Variants in LSAMP observed in about 807,000 individuals in gnomAD.
LSAMP encodes the protein limbic system associated membrane protein.
In LSAMP, 7 loss-of-function variants were observed where a neutral mutation model predicts 38.6. The ratio of observed to expected loss-of-function variants is 0.18; its 90% CI spans 0.10 to 0.34. LSAMP has a LOEUF of 0.34. LSAMP is among the 10% of genes least tolerant of loss of function. LSAMP has a pLI of 1.00. For synonymous variants in LSAMP, 154 were observed against 166.8 expected (o/e 0.92, Z 0.59); for missense variants, 313 against 420.0 (o/e 0.75, Z 2.23).
At chr3:116,155,298 C>T (rs1709719467) in intron 1 of LSAMP, among the ~76,000 whole-genome samples, 3 of 152,124 alleles carry the variant, frequency 2.0e-5, no homozygotes, top group Admixed American at 1.3e-4. Context: ...GATCTCGGCT[C>T]ACTGCAACCT....
chr3:115,887,586 T>A (rs1394507733), intron 3 of LSAMP, among the ~76,000 whole-genome samples: 4 of 151,950 alleles, frequency 2.6e-5, no homozygotes, highest in Admixed American at 2.6e-4. Flanking sequence ...ATTTAACCTG[T>A]TTCTCTGTTA....
chr3:116,341,944 G>T (rs1191786298), intron 1 of LSAMP, among the ~76,000 whole-genome samples: 6 of 151,992 alleles, frequency 3.9e-5, no homozygotes, highest in Non-Finnish European at 8.8e-5. Flanking sequence ...TGACTAACAG[G>T]GCTGGGGTAG....
At chr3:116,055,866 A>G (rs1357266717) in intron 2 of LSAMP, among the ~76,000 whole-genome samples, 1 of 152,192 alleles carries the variant, frequency 6.6e-6, no homozygotes, top group Non-Finnish European at 1.5e-5. Context: ...GGGTTCTAAA[A>G]TTCTGCCTGT....
At chr3:116,235,842 C>T (rs2046460407) in intron 1 of LSAMP, among the ~76,000 whole-genome samples, 1 of 152,154 alleles carries the variant, frequency 6.6e-6, no homozygotes, top group South Asian at 2.1e-4. Flanking sequence ...ATAAATCCCA[C>T]TGCATATTTT....
intron 1 of LSAMP, 30 bp from the exon 2 acceptor site, chr3:116,086,586 C>T (rs1340521987): frequency 1.3e-6 from 2 of 1,543,178 alleles, no homozygotes; most frequent in South Asian, 2.2e-5. Context: ...ATATTAGTGC[C>T]TTAACAACAA....
At chr3:115,827,076 G>T (rs1053347233) in intron 6 of LSAMP, among the ~76,000 whole-genome samples, 2 of 151,478 alleles carry the variant, frequency 1.3e-5, no homozygotes, top group Non-Finnish European at 2.9e-5. Context: ...ACTCTAGCTT[G>T]CAATTCAACA....
chr3:115,905,090 A>C (rs1333050776), intron 3 of LSAMP, among the ~76,000 whole-genome samples: 1 of 152,116 alleles, frequency 6.6e-6, no homozygotes, highest in African/African-American at 2.4e-5. Flanking sequence ...ATCTTGGATA[A>C]AATGCTCTTT....
chr3:116,149,146 G>C (rs886575906), intron 1 of LSAMP, among the ~76,000 whole-genome samples: 2 of 152,054 alleles, frequency 1.3e-5, no homozygotes, highest in South Asian at 4.1e-4. Context: ...GAATGGTGGT[G>C]AACAGTTCAC....
chr3:115,939,585 T>TTTCTTTCTTTCTTTCTCTTTC (rs58450242), intron 3 of LSAMP, among the ~76,000 whole-genome samples: 1 of 150,214 alleles, frequency 6.7e-6, no homozygotes, highest in Non-Finnish European at 1.5e-5. Flanking sequence ...TCTTTCTTTC[T>TTTCTTTCTTTCTTTCTCTTTC]GTTAAGAGAC....
chr3:116,327,210 T>C (rs2047784830), intron 1 of LSAMP, among the ~76,000 whole-genome samples: 2 of 152,210 alleles, frequency 1.3e-5, no homozygotes, highest in African/African-American at 4.8e-5. Flanking sequence ...TGGATAACAC[T>C]GAGTAACAGG....
intron 1 of LSAMP, among the ~76,000 whole-genome samples, chr3:116,161,700 G>A (rs138534378): frequency 2.8e-4 from 43 of 152,222 alleles, no homozygotes; most frequent in Admixed American, 1.2e-3. Flanking sequence ...CTACAGATGG[G>A]CTTAGTGCCA....
At chr3:116,219,680 G>A (rs573301065) in intron 1 of LSAMP, among the ~76,000 whole-genome samples, 34 of 152,168 alleles carry the variant, frequency 2.2e-4, no homozygotes, top group African/African-American at 8.2e-4. Flanking sequence ...GTGAAAAGGC[G>A]ACCTATGGAT....
intron 1 of LSAMP, among the ~76,000 whole-genome samples, chr3:116,193,746 C>G (rs1710810436): frequency 6.6e-6 from 1 of 151,974 alleles, no homozygotes; most frequent in South Asian, 2.1e-4. Flanking sequence ...CTAGTATTTC[C>G]CACCCTTCCA....
At chr3:116,005,800 T>C (rs1025648987) in intron 3 of LSAMP, among the ~76,000 whole-genome samples, 23 of 152,202 alleles carry the variant, frequency 1.5e-4, no homozygotes, top group Non-Finnish European at 3.4e-4. Context: ...GGTCTCCTTC[T>C]AGTTTTCTGG....
intron 1 of LSAMP, among the ~76,000 whole-genome samples, chr3:116,403,106 A>G (rs1163626113): frequency 2.0e-5 from 3 of 152,286 alleles, no homozygotes; most frequent in Admixed American, 1.3e-4. Context: ...GTCTTTCCGA[A>G]CTTGTAGTCA....
At chr3:115,909,569 C>G (rs1282781578) in intron 3 of LSAMP, among the ~76,000 whole-genome samples, 1 of 152,176 alleles carries the variant, frequency 6.6e-6, no homozygotes, top group Admixed American at 6.5e-5. Context: ...ACTCCTATTG[C>G]TAGATATTGG....
chr3:115,904,524 A>G (rs1190293432), intron 3 of LSAMP, among the ~76,000 whole-genome samples: 1 of 152,152 alleles, frequency 6.6e-6, no homozygotes, highest in East Asian at 1.9e-4. Flanking sequence ...AAAAATAGCA[A>G]CCAAACACTT....
rs568629477 is a variant in LSAMP at position 116,409,388 on chromosome 3, C to T, written c.155+35489G>A. Among the ~76,000 whole-genome samples the T allele has an allele frequency of 2.6e-5, 4 of 152,130 alleles. No individual in the cohort carries two copies. The South Asian group carries it at 6.2e-4, about 24-fold the overall frequency. On this transcript the variant is annotated intron_variant, in intron 1 of 6. Transcript: ENST00000490035. ...TGATCAGTACTGCCAAGCTGCTTTGCATGATGGGATCTGTAGTTTTCACTC... is the reference window on the plus strand; with the variant it reads ...TGATCAGTACTGCCAAGCTGCTTTGTATGATGGGATCTGTAGTTTTCACTC...
chr3:116,244,950 A>G (rs1041268165), intron 1 of LSAMP, among the ~76,000 whole-genome samples: 1 of 152,130 alleles, frequency 6.6e-6, no homozygotes, highest in Admixed American at 6.5e-5. Context: ...TATAAGTAAA[A>G]CTTCCTTTGT....
Sources: allele counts gnomAD v4.1 joint callset (sites outside exome capture counted in the v4.1 genomes callset), GRCh38; gene constraint gnomAD v4.1.1; transcripts MANE v1.5; gene names NCBI Gene and HGNC (gene_info 2026-07-23, HGNC 2026-07-21).